PLCH2: variants seen among roughly 807,000 people sequenced by gnomAD.
PLCH2 encodes the protein 1-phosphatidylinositol 4,5-bisphosphate phosphodiesterase eta-2.
Under a neutral mutation model 134.7 loss-of-function variants are expected in PLCH2, and 98 were observed. The observed-to-expected ratio is 0.73, with a 90% confidence interval of 0.62 to 0.86. The LOEUF is 0.86. PLCH2 is among the 40% of genes least tolerant of loss of function. PLCH2 has a pLI of 0.00. For synonymous variants in PLCH2, 974 were observed against 827.5 expected, an observed-to-expected ratio of 1.18 and a Z score of -3.04; for missense variants, 1,994 against 1,986.6, an observed-to-expected ratio of 1.00 and a Z score of -0.07.
At chr1:2,443,983 C>T (rs1289570493) in intron 2 of PLCH2, among the ~76,000 whole-genome samples, 1 of 152,134 alleles carries the variant, frequency 6.6e-6, no homozygotes, top group East Asian at 1.9e-4. Flanking sequence ...GTAGGTGCCG[C>T]TCCTGCCGCT....
At chr1:2,420,248 C>G in the PLCH2 span, among the ~76,000 whole-genome samples, 2 of 152,140 alleles carry the variant, frequency 1.3e-5, no homozygotes, top group East Asian at 3.9e-4. Flanking sequence ...TGGGGGGCAT[C>G]CAGGCAGCAC....
In PLCH2 at chr1:2,428,840, G is replaced by T. The variant is rs190300351; in HGVS notation, c.-177-1498G>T. 1.6e-3 allele frequency among the ~76,000 whole-genome samples: 246 copies of T among 152,390 alleles called. 1 individual carries two copies. The highest frequency in any genetic ancestry group is 0.014 in the South Asian group (70 of 4,830). On this transcript the variant is annotated intron_variant, in intron 1 of 3. Transcript: ENST00000609981. Reference sequence around the variant, plus strand: ...GACCCCATGCCTGGGGGTGAGCCTGGAGCCAGGGCAGTGCGGTGAGAGGCT... The same window carrying T: ...GACCCCATGCCTGGGGGTGAGCCTGTAGCCAGGGCAGTGCGGTGAGAGGCT...
At chr1:2,491,802 G>A (rs1262070841) in intron 11 of PLCH2, among the ~76,000 whole-genome samples, 1 of 152,200 alleles carries the variant, frequency 6.6e-6, no homozygotes, top group East Asian at 1.9e-4. Context: ...CCTGCTGTGG[G>A]TGGGACAGAG....
chr1:2,482,464 C>T (rs746526597), intron 4 of PLCH2, among the ~76,000 whole-genome samples: 1 of 152,214 alleles, frequency 6.6e-6, no homozygotes, highest in Non-Finnish European at 1.5e-5. Flanking sequence ...TCGCACCAGG[C>T]ACCCCAGGGC....
upstream of PLCH2, among the ~76,000 whole-genome samples, chr1:2,423,410 C>G (rs375848699): frequency 4.7e-4 from 72 of 152,254 alleles, 1 homozygote; most frequent in East Asian, 6.8e-3. Context: ...TGTTACAAGG[C>G]CACCAGGTTG....
upstream of PLCH2, among the ~76,000 whole-genome samples, chr1:2,464,277 C>T (rs1412736690): frequency 2.0e-5 from 3 of 152,206 alleles, no homozygotes; most frequent in Non-Finnish European, 4.4e-5. Context: ...CTCTGGTCTT[C>T]CCGATGTGCA....
Position 2,494,952 on chromosome 1 carries a change from C to G in PLCH2, c.1752+4C>G. ...GGGAAGCTTCTCCAGGCGCAAGGTC[C>G]GGCGCAGCTCCCAGGCCAGGGTCCC... On this transcript the variant is annotated splice_donor_region_variant and intron_variant, in intron 12 of 21. Coordinates refer to ENST00000378486, the MANE Select transcript of PLCH2 (RefSeq NM_014638.4). 1.3e-6 allele frequency: 2 copies of G among 1,577,290 alleles called. No individual in the cohort carries two copies. Among genetic ancestry groups the G allele is most frequent in the Non-Finnish European group, 1.7e-6 (2 of 1,164,194 alleles).
In PLCH2 at chr1:2,439,539, G is replaced by A. The variant is rs553715450; in HGVS notation, c.115+8910G>A. Among the ~76,000 whole-genome samples, 6 of 152,390 alleles carry A rather than the reference G, an allele frequency of 3.9e-5. No homozygotes were observed. The highest frequency in any genetic ancestry group is 1.4e-4 in the African/African-American group (6 of 41,596). On this transcript the variant is annotated intron_variant, in intron 2 of 3. Transcript: ENST00000609981. The surrounding 1 kb of genome is among the most constrained non-coding windows in gnomAD (Gnocchi z 4.7). ...ACACTTTCTAAATTTAGCTGCTGAG[G>A]ATTGCACGTTTACCCGATTAAGCCC...
In PLCH2 at chr1:2,459,110, C is replaced by T. The variant is rs577331062; in HGVS notation, c.116-19366C>T. 5.2e-4 allele frequency among the ~76,000 whole-genome samples: 79 copies of T among 152,378 alleles called. 1 individual carries two copies. Among genetic ancestry groups the T allele is most frequent in the African/African-American group, 1.7e-3 (69 of 41,588 alleles). ...CCATCTGGAGGTGGGGCTCAGGAGG[C>T]GGCCTTGGTGATGCCAGGTGGTCAG... On this transcript the variant is annotated intron_variant, in intron 2 of 3. Coordinates refer to the PLCH2 transcript ENST00000609981.
chr1:2,478,370 G>T, intron 1 of PLCH2, 106 bp from the exon 2 acceptor site: 1 of 1,392,410 alleles, frequency 7.2e-7, no homozygotes, highest in Non-Finnish European at 9.9e-7. Context: ...TCCGCTGACG[G>T]CCGTGTTTCT....
chr1:2,465,990 G>A (rs1234518527), upstream of PLCH2, among the ~76,000 whole-genome samples: 1 of 152,204 alleles, frequency 6.6e-6, no homozygotes, highest in Non-Finnish European at 1.5e-5. Context: ...TGAGACTTGG[G>A]GCTGCTGGCC....
intron 2 of PLCH2, among the ~76,000 whole-genome samples, chr1:2,436,424 TCCTTTCTCCCTCCTC>T (rs1557943481): frequency 3.9e-4 from 16 of 40,544 alleles, no homozygotes; most frequent in South Asian, 9.1e-4. Context: ...CCACCTTTCC[TCCTTTCTCCCTCCTC>T]CCTTCCTCCC....
chr1:2,449,499 AAACC>A (rs34463698), intron 2 of PLCH2, among the ~76,000 whole-genome samples: 87,159 of 150,176 alleles, frequency 0.58, 25,847 homozygotes, highest in East Asian at 0.82. Context: ...TGTCTCAACA[AAACC>A]AACCAACCAA....
chr1:2,421,040 G>A (rs1339639058), upstream of PLCH2, among the ~76,000 whole-genome samples: 1 of 151,810 alleles, frequency 6.6e-6, no homozygotes, highest in Admixed American at 6.6e-5. Context: ...TGCTTCCCGG[G>A]TTCAATCGAT....
chr1:2,482,587 C>T (rs1023378334), intron 4 of PLCH2, among the ~76,000 whole-genome samples: 1 of 152,228 alleles, frequency 6.6e-6, no homozygotes, highest in Admixed American at 6.5e-5. Context: ...GGGGTCCTGA[C>T]CCACCTTCAT....
At chr1:2,495,401 G>A in intron 12 of PLCH2, 87 bp from the exon 13 acceptor site, 1 of 1,154,078 alleles carries the variant, frequency 8.7e-7, no homozygotes, top group East Asian at 2.6e-5. Flanking sequence ...GGACCCCGGA[G>A]GATAGGCCCT....
At chr1:2,453,178 C>T (rs1371816936) in intron 2 of PLCH2, among the ~76,000 whole-genome samples, 2 of 152,148 alleles carry the variant, frequency 1.3e-5, no homozygotes, top group African/African-American at 4.8e-5. Flanking sequence ...GTGGGGCAGC[C>T]GGGACAATTT....
Position 2,487,320 on chromosome 1 carries a change from A to G in PLCH2, c.1058A>G (p.Gln353Arg). 6.2e-7 allele frequency: 1 copy of G among 1,613,852 alleles called. No homozygotes were observed. The highest frequency in any genetic ancestry group is 1.1e-5 in the South Asian group (1 of 91,070). ...TYLVGDQLMS[Q>R]SRVDMYAWVL... ...CTCGTGGGTGACCAGCTCATGTCCC[A>G]GTCACGGGTGGACATGTATGCTTGG... Residue 353 changes from glutamine to arginine, a missense_variant, in exon 7 of 22, where the codon CAG (glutamine) becomes CGG (arginine). Around this residue, in one of 2 missense-constraint regions of PLCH2, gnomAD observed 1,094 missense variants for 1,234.3 expected, o/e 0.89. Transcript: ENST00000378486.
intron 2 of PLCH2, among the ~76,000 whole-genome samples, chr1:2,455,895 G>A (rs1187156452): frequency 6.6e-6 from 1 of 152,236 alleles, no homozygotes; most frequent in East Asian, 1.9e-4. Context: ...CATCCCGCGG[G>A]CGGGCTGTGT....
Sources: allele counts gnomAD v4.1 joint callset (sites outside exome capture counted in the v4.1 genomes callset), GRCh38; gene constraint gnomAD v4.1.1; regional missense constraint gnomAD v4.1.1; non-coding constraint Gnocchi (gnomAD v3.1); transcripts MANE v1.5; gene names NCBI Gene and HGNC (gene_info 2026-07-23, HGNC 2026-07-21).